Variants in MTHFSD observed in about 807,000 individuals in gnomAD.
MTHFSD encodes methenyltetrahydrofolate synthase domain-containing protein.
Under a neutral mutation model 31.1 loss-of-function variants are expected in MTHFSD, and 37 were observed. That is an observed-to-expected ratio of 1.19 (90% CI 0.91 to 1.56). The LOEUF is 1.56. MTHFSD is among the 40% of genes most tolerant of loss of function. The pLI, the probability that MTHFSD is intolerant of heterozygous loss-of-function variation, is 0.00. For synonymous variants in MTHFSD, 221 were observed against 206.9 expected, an observed-to-expected ratio of 1.07 and a Z score of -0.59; for missense variants, 664 against 510.1, an observed-to-expected ratio of 1.30 and a Z score of -2.91.
chr16:86,547,127 A>G (rs568832004), intron 4 of MTHFSD: 4 of 975,356 alleles, frequency 4.1e-6, no homozygotes, highest in East Asian at 2.1e-4. Flanking sequence ...CATTTAGCAC[A>G]TAAGACATGG....
Position 86,554,679 on chromosome 16 carries a change from G to C in MTHFSD, c.89C>G (p.Pro30Arg), listed in dbSNP as rs1394085112. 1.2e-6 allele frequency: 2 copies of C among 1,614,192 alleles called. No individual in the cohort carries two copies. Among genetic ancestry groups the C allele is most frequent in the Admixed American group, 3.3e-5 (2 of 60,030 alleles). The change falls in exon 2 of 8, where the codon CCC becomes CGC. Residue 30 changes from proline to arginine, a missense_variant. Coordinates refer to ENST00000360900, the MANE Select transcript of MTHFSD (RefSeq NM_001159377.2). The part of the protein sequence containing the change: ...YMESQNLADF[P>R]RPVHHRIPNF... ...GGGTATCCTGTGATGAACAGGTCGGGGAAAGTCAGCTAAATTTTGTGATTC... is the reference window on the plus strand; with the variant it reads ...GGGTATCCTGTGATGAACAGGTCGGCGAAAGTCAGCTAAATTTTGTGATTC...
chr16:86,549,476 A>C (rs886713806), intron 3 of MTHFSD, among the ~76,000 whole-genome samples: 2 of 152,226 alleles, frequency 1.3e-5, no homozygotes, highest in South Asian at 4.1e-4. Context: ...CACAAGAGTG[A>C]AGTACTTCAA....
chr16:86,548,006 T>C, intron 4 of MTHFSD: 1 of 1,278,960 alleles, frequency 7.8e-7, no homozygotes, highest in Non-Finnish European at 1.0e-6. Flanking sequence ...AAGAAAATCT[T>C]AAATATGTAA....
intron 7 of MTHFSD, among the ~76,000 whole-genome samples, chr16:86,533,961 A>G (rs1448200974): frequency 6.6e-6 from 1 of 152,190 alleles, no homozygotes; most frequent in Non-Finnish European, 1.5e-5. Context: ...TGCTTTGGTC[A>G]GAGTCCTCTG....
chr16:86,546,103 A>C (rs1972259767), intron 5 of MTHFSD, among the ~76,000 whole-genome samples: 1 of 151,676 alleles, frequency 6.6e-6, no homozygotes, highest in South Asian at 2.1e-4. Context: ...CACGTTGTTC[A>C]GGAGTCTCGG....
chr16:86,543,982 T>C (rs1350434170), intron 5 of MTHFSD, among the ~76,000 whole-genome samples: 1 of 152,242 alleles, frequency 6.6e-6, no homozygotes, highest in African/African-American at 2.4e-5. Context: ...ATCTAATGCC[T>C]GCTGATCTGT....
intron 3 of MTHFSD, among the ~76,000 whole-genome samples, chr16:86,549,831 G>A (rs952142882): frequency 6.6e-6 from 1 of 152,264 alleles, no homozygotes; most frequent in African/African-American, 2.4e-5. Flanking sequence ...TCGGAGTACT[G>A]ATTGAACAGA....
intron 5 of MTHFSD, among the ~76,000 whole-genome samples, chr16:86,544,878 A>G (rs562994613): frequency 1.1e-4 from 17 of 152,362 alleles, no homozygotes; most frequent in Middle Eastern, 3.4e-3. Context: ...ATGCAGCCAT[A>G]AAAAGGAATG....
intron 7 of MTHFSD, 127 bp downstream of exon 7, chr16:86,541,569 AG>A: frequency 7.5e-7 from 1 of 1,338,412 alleles, no homozygotes; most frequent in Non-Finnish European, 1.0e-6. Context: ...ATTGCTCAAA[AG>A]CTCCTTGGGT....
At position 86,542,059 on chromosome 16, in the gene MTHFSD, G is replaced by A. The variant is rs764922235; in HGVS notation, c.555+42C>T. On this transcript the variant is annotated intron_variant, in intron 6 of 7. Coordinates refer to ENST00000360900, the MANE Select transcript of MTHFSD (RefSeq NM_001159377.2). The surrounding 1 kb of genome is among the most constrained non-coding windows in gnomAD (Gnocchi z 4.6). ...TTCCCCACCCCCTGCTCCCTCAGAAGAGAATGGCAGTGGCTCTGCTCAGCC... is the reference window on the plus strand; with the variant it reads ...TTCCCCACCCCCTGCTCCCTCAGAAAAGAATGGCAGTGGCTCTGCTCAGCC... 15 of 1,559,810 alleles carry A rather than the reference G, an allele frequency of 9.6e-6. No individual in the cohort carries two copies. The highest frequency in any genetic ancestry group is 1.1e-5 in the Non-Finnish European group (13 of 1,134,072).
chr16:86,541,851 C>T (rs768961418), intron 6 of MTHFSD, 29 bp from the exon 7 acceptor site: 4 of 1,612,530 alleles, frequency 2.5e-6, no homozygotes, highest in Non-Finnish European at 3.4e-6. Context: ...GATAAAGGGG[C>T]TGCTGGGAAT....
At chr16:86,540,946 T>C (rs1971417947) in intron 7 of MTHFSD, 3 of 1,148,834 alleles carry the variant, frequency 2.6e-6, no homozygotes, top group Non-Finnish European at 3.3e-6. Flanking sequence ...TATTCTGTGT[T>C]CATCCTTAGA....
chr16:86,554,997 G>A, intron 1 of MTHFSD, 172 bp downstream of exon 1: 1 of 1,379,762 alleles, frequency 7.2e-7, no homozygotes, highest in East Asian at 2.5e-5. Flanking sequence ...TTCCGGGCGA[G>A]AGAGCCGCTG....
In MTHFSD at chr16:86,532,434, G is replaced by A. The variant is rs377606572; in HGVS notation, c.729C>T (p.Arg243=). The change falls in exon 8 of 8, where the codon CGC becomes CGT. Residue 243 remains arginine, a synonymous_variant. Coordinates refer to ENST00000360900, the MANE Select transcript of MTHFSD (RefSeq NM_001159377.2). ...CCTTCCCAGCCTGCTGCTCTCGGGC[G>A]CGGAGGCTCCTCAGTATGGGGATTT... ...MEKIPILRSL[R]AREQQAGKDV... 1.4e-4 allele frequency: 199 copies of A among 1,467,774 alleles called. No homozygotes were observed. The highest frequency in any genetic ancestry group is 3.8e-4 in the East Asian group (15 of 39,712). The allele number at this position is 1,467,774 out of a possible 1,614,324, so 90.9% of individuals were successfully genotyped here.
At chr16:86,540,991 G>T in intron 7 of MTHFSD, 1 of 1,177,402 alleles carries the variant, frequency 8.5e-7, no homozygotes, top group Non-Finnish European at 1.1e-6. Flanking sequence ...CCAAAGGAGG[G>T]ATTCAAACGG....
At chr16:86,547,816 T>A (rs951350778) in intron 4 of MTHFSD, among the ~76,000 whole-genome samples, 4 of 152,190 alleles carry the variant, frequency 2.6e-5, no homozygotes, top group African/African-American at 9.7e-5. Context: ...AAAAAGCGTA[T>A]CTTCAATTGT....
chr16:86,552,365 G>A, intron 2 of MTHFSD: 1 of 1,327,050 alleles, frequency 7.5e-7, no homozygotes, highest in Non-Finnish European at 1.0e-6. Context: ...AAGCAGCTCG[G>A]CCCAGAATCT....
At chr16:86,544,823 T>C (rs1434811602) in intron 5 of MTHFSD, among the ~76,000 whole-genome samples, 1 of 152,186 alleles carries the variant, frequency 6.6e-6, no homozygotes, top group East Asian at 1.9e-4. Context: ...TCATCAACGA[T>C]AGGCTGGATA....
At position 86,542,076 on chromosome 16, in the gene MTHFSD, T is replaced by C; in HGVS notation, c.555+25A>G. On this transcript the variant is annotated intron_variant, in intron 6 of 7. Coordinates refer to ENST00000360900, the MANE Select transcript of MTHFSD (RefSeq NM_001159377.2). The surrounding 1 kb of genome is among the most constrained non-coding windows in gnomAD (Gnocchi z 4.6). ...CCTCAGAAGAGAATGGCAGTGGCTC[T>C]GCTCAGCCCATTCATAAGGAGCACC... is the stretch of plus-strand genomic sequence containing the variant. 3 of 1,594,342 alleles carry C rather than the reference T, an allele frequency of 1.9e-6. No homozygotes were observed. The highest frequency in any genetic ancestry group is 2.6e-6 in the Non-Finnish European group (3 of 1,163,666).
Sources: gnomAD v4.1 joint callset for allele counts (sites outside exome capture counted in the v4.1 genomes callset) on GRCh38, gnomAD v4.1.1 for gene constraint, Gnocchi (gnomAD v3.1) non-coding constraint, MANE v1.5 for transcripts, NCBI Gene and HGNC (gene_info 2026-07-23, HGNC 2026-07-21) for gene names.